Variants in RPLP2 observed in about 807,000 individuals in gnomAD.
RPLP2 encodes ribosomal protein lateral stalk subunit P2.
RPLP2 carries 1 observed loss-of-function variant against 11.5 expected under a neutral mutation model. That is an observed-to-expected ratio of 0.09 (90% CI 0.03 to 0.41). RPLP2 has a LOEUF of 0.41. RPLP2 is among the 10% of genes least tolerant of loss of function. The pLI, the probability that RPLP2 is intolerant of heterozygous loss-of-function variation, is 0.98. For missense variants in RPLP2, 177 were observed against 145.6 expected (o/e 1.22, Z -1.11); for synonymous variants, 82 against 55.9 (o/e 1.47, Z -2.08).
At chr11:810,516 G>C (rs950824595) in intron 2 of RPLP2, 159 bp downstream of exon 2, 22 of 652,602 alleles carry the variant, frequency 3.4e-5, no homozygotes, top group Non-Finnish European at 5.1e-5. Flanking sequence ...GGCGGAGGTC[G>C]GGCGCGGTGG....
At chr11:811,193 G>A (rs1866042355) in intron 2 of RPLP2, among the ~76,000 whole-genome samples, 1 of 152,040 alleles carries the variant, frequency 6.6e-6, no homozygotes, top group Non-Finnish European at 1.5e-5. Context: ...AATTAGCCAG[G>A]CTTGGTTGCT....
chr11:812,677 C>A, intron 4 of RPLP2, 44 bp downstream of exon 4: 2 of 1,612,130 alleles, frequency 1.2e-6, no homozygotes, highest in Non-Finnish European at 1.7e-6. Context: ...GGGGCTCAGA[C>A]GGTGTTGCTG....
intron 2 of RPLP2, among the ~76,000 whole-genome samples, chr11:810,658 G>A (rs1866005817): frequency 1.3e-5 from 2 of 152,082 alleles, no homozygotes; most frequent in African/African-American, 4.8e-5. Flanking sequence ...GCCGGGCGTG[G>A]TGGTGGGTGC....
At chr11:810,807 A>AT in intron 2 of RPLP2, among the ~76,000 whole-genome samples, 1 of 141,604 alleles carries the variant, frequency 7.1e-6, no homozygotes. Flanking sequence ...AAAAAAAAAA[A>AT]GCAGGGTGGG....
chr11:811,558 G>T (rs927921436), intron 2 of RPLP2, 39 bp from the exon 3 acceptor site: 1 of 1,613,444 alleles, frequency 6.2e-7, no homozygotes, highest in South Asian at 1.1e-5. Flanking sequence ...GGATACAATC[G>T]TACATTCCTG....
Position 810,362 on chromosome 11 carries a change from C to T in RPLP2, c.123+5C>T, listed in dbSNP as rs373702898. 1.2e-5 allele frequency: 20 copies of T among 1,604,040 alleles called. No homozygotes were observed. Among genetic ancestry groups the T allele is most frequent in the East Asian group, 2.3e-5 (1 of 43,848 alleles). On this transcript the variant is annotated splice_donor_5th_base_variant and intron_variant, in intron 2 of 4. Transcript: ENST00000321153. ...GACGACGACCGGCTCAACAAGGTAG[C>T]GGCCGCCCTTGCCCCGCAGCCGCCG...
At position 810,285 on chromosome 11, in the gene RPLP2, C is replaced by T. The variant is rs778140990; in HGVS notation, c.51C>T (p.Ser17=). The change falls in exon 2 of 5, where the codon TCC becomes TCT. Residue 17 remains serine, a synonymous_variant. Transcript: ENST00000321153. ...YLLAALGGNS[S]PSAKDIKKIL... is the part of the protein sequence containing the mutation. ...TGGCTGCCCTAGGGGGCAACTCCTC[C>T]CCCAGCGCCAAGGACATCAAGAAGA... 2 of 1,608,096 alleles carry T rather than the reference C, an allele frequency of 1.2e-6. No individual in the cohort carries two copies. The highest frequency in any genetic ancestry group is 3.3e-5 in the Admixed American group (2 of 59,724).
In RPLP2 at chr11:811,890, C is replaced by T; in HGVS notation, c.172+245C>T. Reference sequence around the variant, plus strand: ...TGGCCCTGCCTCTTAAGCCTGACTGCTCCTAGCCCTGAGGCCATTCCCCAG... The same window carrying T: ...TGGCCCTGCCTCTTAAGCCTGACTGTTCCTAGCCCTGAGGCCATTCCCCAG... On this transcript the variant is annotated intron_variant, in intron 3 of 4. Transcript: ENST00000321153. The T allele has an allele frequency of 1.5e-5, 11 of 730,654 alleles. No homozygotes were observed. The South Asian group carries it at 1.5e-4, about 10-fold the overall frequency. 45.3% of individuals were successfully genotyped at this position (730,654 alleles called of 1,614,324 possible). A position where few individuals can be genotyped will look rare whatever the true frequency, so the allele number is the denominator to read the frequency against.
chr11:810,392 GC>G, intron 2 of RPLP2, 35 bp downstream of exon 2: 1 of 1,596,126 alleles, frequency 6.3e-7, no homozygotes, highest in East Asian at 2.3e-5. Flanking sequence ...CCGCCGTGGG[GC>G]CCCAGTGTCC....
At chr11:810,715 C>A (rs550936782) in intron 2 of RPLP2, among the ~76,000 whole-genome samples, 12 of 151,428 alleles carry the variant, frequency 7.9e-5, no homozygotes, top group African/African-American at 2.9e-4. Context: ...ATCGCTCGAA[C>A]CCGGGAGATG....
chr11:812,751 G>C lies in RPLP2; in HGVS notation c.272-9G>C, dbSNP rs755083566. On this transcript the variant is annotated splice_polypyrimidine_tract_variant and intron_variant, in intron 4 of 4. Coordinates refer to ENST00000321153, the MANE Select transcript of RPLP2 (RefSeq NM_001004.4). ...GCAGTGCTCACCATGCCTCTCCTCT[G>C]TTCCACAGCAGAGGAGAAGAAAGAT... is the stretch of plus-strand genomic sequence containing the variant. The C allele has an allele frequency of 2.5e-6, 4 of 1,613,614 alleles. No homozygotes were observed. The highest frequency in any genetic ancestry group is 2.2e-5 in the East Asian group (1 of 44,890).
intron 2 of RPLP2, chr11:811,310 C>T (rs574764180): frequency 2.6e-4 from 126 of 485,726 alleles, no homozygotes; most frequent in African/African-American, 2.0e-3. Context: ...AAGTCAATTT[C>T]ATTGCCAGTT....
chr11:810,574 A>T (rs1344622547), intron 2 of RPLP2: 2 of 421,844 alleles, frequency 4.7e-6, no homozygotes, highest in Non-Finnish European at 8.5e-6. Flanking sequence ...CAGGCGGATC[A>T]CCTGAGGTCA....
At chr11:811,423 A>G in intron 2 of RPLP2, 174 bp from the exon 3 acceptor site, 3 of 665,284 alleles carry the variant, frequency 4.5e-6, no homozygotes, top group Middle Eastern at 4.1e-4. Flanking sequence ...GTGTCCATTT[A>G]TTTTTATATC....
chr11:812,256 C>T lies in RPLP2; in HGVS notation c.173-279C>T. On this transcript the variant is annotated intron_variant, in intron 3 of 4. Coordinates refer to ENST00000321153, the MANE Select transcript of RPLP2 (RefSeq NM_001004.4). ...CTACCTAGTTATGAACATGTCTGTCCAGTGGACCTCTGAGGGTGGAGGTGG... is the reference window on the plus strand; with the variant it reads ...CTACCTAGTTATGAACATGTCTGTCTAGTGGACCTCTGAGGGTGGAGGTGG... 5 of 511,114 alleles carry T rather than the reference C, an allele frequency of 9.8e-6. No individual in the cohort carries two copies. The South Asian group carries it at 1.0e-4, about 10-fold the overall frequency. 31.7% of individuals were successfully genotyped at this position (511,114 alleles called of 1,614,324 possible).
intron 3 of RPLP2, 153 bp from the exon 4 acceptor site, chr11:812,378 CAGGG>C: frequency 2.2e-6 from 2 of 922,504 alleles, no homozygotes; most frequent in Non-Finnish European, 3.3e-6. Context: ...AGGAGTGGCT[CAGGG>C]AGGGAGTGTT....
At chr11:811,787 C>T (rs779088470) in intron 3 of RPLP2, 142 bp downstream of exon 3, 3 of 1,024,706 alleles carry the variant, frequency 2.9e-6, no homozygotes, top group Non-Finnish European at 4.7e-6. Context: ...CTCCAGTGGG[C>T]TCACGTCATG....
chr11:811,328 C>T (rs760093990), intron 2 of RPLP2: 156 of 516,646 alleles, frequency 3.0e-4, no homozygotes, highest in Non-Finnish European at 8.0e-5. Flanking sequence ...GTTTATTTTG[C>T]CAGTGTTGAA....
chr11:810,420 C>T (rs1865994141), intron 2 of RPLP2, 63 bp downstream of exon 2: 4 of 1,492,518 alleles, frequency 2.7e-6, no homozygotes, highest in East Asian at 2.5e-5. Flanking sequence ...GGCGATTCTT[C>T]TGCCTGATCC....
Sources: gnomAD v4.1 joint callset for allele counts (sites outside exome capture counted in the v4.1 genomes callset) on GRCh38, gnomAD v4.1.1 for gene constraint, MANE v1.5 for transcripts, NCBI Gene and HGNC (gene_info 2026-07-23, HGNC 2026-07-21) for gene names.